The following NRG3 variants were observed in gnomAD, a reference collection of about 807,000 sequenced individuals.
NRG3 encodes pro-neuregulin-3, membrane-bound isoform.
In NRG3, 31 loss-of-function variants were observed where a neutral mutation model predicts 66.9. The ratio of observed to expected loss-of-function variants is 0.46; its 90% CI spans 0.35 to 0.63. NRG3 has a LOEUF of 0.63. Among genes scored for constraint, NRG3 ranks in the 20% least tolerant of loss-of-function variants. The probability of loss-of-function intolerance (pLI) is 0.00; values close to 1 mark genes in which losing one functional copy is unlikely to be tolerated. For synonymous variants in NRG3, 393 were observed against 359.4 expected, an observed-to-expected ratio of 1.09 and a Z score of -1.06; for missense variants, 910 against 878.9, an observed-to-expected ratio of 1.04 and a Z score of -0.45.
At chr10:82,244,185 C>G (rs573578677) in intron 1 of NRG3, among the ~76,000 whole-genome samples, 11 of 152,140 alleles carry the variant, frequency 7.2e-5, no homozygotes, top group Non-Finnish European at 1.6e-4. Flanking sequence ...ATGGCTTGGA[C>G]AGTGACAATA....
In NRG3 at chr10:82,921,984, G is replaced by A. The variant is rs149123274; in HGVS notation, c.1055-29485G>A. Among the ~76,000 whole-genome samples, 546 of 152,110 alleles carry A rather than the reference G, an allele frequency of 3.6e-3. 3 individuals carry two copies. The highest frequency in any genetic ancestry group is 0.013 in the African/African-American group (519 of 41,516). Reference sequence around the variant, plus strand: ...AATTTCATGGACATTAAAGTATTTTGTAAACTATATAGATTTCAGTATAAA... The same window carrying A: ...AATTTCATGGACATTAAAGTATTTTATAAACTATATAGATTTCAGTATAAA... On this transcript the variant is annotated intron_variant, in intron 4 of 8. Coordinates refer to ENST00000372141, the MANE Select transcript of NRG3 (RefSeq NM_001010848.4).
intron 1 of NRG3, among the ~76,000 whole-genome samples, chr10:81,901,494 G>T (rs984653005): frequency 6.6e-6 from 1 of 152,012 alleles, no homozygotes; most frequent in Non-Finnish European, 1.5e-5. Context: ...ATAGCGAGAT[G>T]CCGTCTCTAC....
chr10:82,005,613 A>C (rs2061348047), intron 1 of NRG3, among the ~76,000 whole-genome samples: 1 of 152,184 alleles, frequency 6.6e-6, no homozygotes, highest in African/African-American at 2.4e-5. Flanking sequence ...GAATGATACC[A>C]GTAAAGTTAC....
rs72825446 is a variant in NRG3, at chr10:82,109,012, G to A, written c.823+232849G>A. 6.8e-3 allele frequency among the ~76,000 whole-genome samples: 1,043 copies of A among 152,300 alleles called. 7 individuals are homozygous for A. Among genetic ancestry groups the A allele is most frequent in the Non-Finnish European group, 8.6e-3 (583 of 68,018 alleles). On this transcript the variant is annotated intron_variant, in intron 1 of 8. Coordinates refer to ENST00000372141, the MANE Select transcript of NRG3 (RefSeq NM_001010848.4). Reference sequence around the variant, plus strand: ...TTCACTAGAATGGAAGCTACCTGTGGACAGGGGCTGGGTTTTATTCACCAG... The same window carrying A: ...TTCACTAGAATGGAAGCTACCTGTGAACAGGGGCTGGGTTTTATTCACCAG...
intron 1 of NRG3, among the ~76,000 whole-genome samples, chr10:82,314,426 C>T (rs1269563230): frequency 1.3e-5 from 2 of 151,938 alleles, no homozygotes; most frequent in African/African-American, 4.8e-5. Flanking sequence ...TCATCCAACC[C>T]TCTCAGTTTT....
At chr10:82,350,928 G>A (rs543041376) in intron 1 of NRG3, among the ~76,000 whole-genome samples, 2 of 150,234 alleles carry the variant, frequency 1.3e-5, no homozygotes, top group African/African-American at 2.5e-5. Flanking sequence ...GTCTTGTGCT[G>A]TCACCCAGGC....
chr10:82,850,669 T>C (rs954631861), intron 3 of NRG3, among the ~76,000 whole-genome samples: 1 of 151,614 alleles, frequency 6.6e-6, no homozygotes, highest in Non-Finnish European at 1.5e-5. Flanking sequence ...TTTGTTTAGT[T>C]GCCATACAAA....
intron 1 of NRG3, among the ~76,000 whole-genome samples, chr10:81,991,067 A>G (rs1435430163): frequency 6.6e-6 from 1 of 152,148 alleles, no homozygotes; most frequent in East Asian, 1.9e-4. Flanking sequence ...AAAGGAAGGC[A>G]CATCAGGTAT....
At chr10:82,155,337 T>A (rs1010078245) in intron 1 of NRG3, among the ~76,000 whole-genome samples, 14 of 151,766 alleles carry the variant, frequency 9.2e-5, no homozygotes, top group Non-Finnish European at 2.1e-4. Flanking sequence ...CCTACCTTTG[T>A]TCATTTACCT....
intron 4 of NRG3, among the ~76,000 whole-genome samples, chr10:82,947,449 T>C (rs777019332): frequency 4.6e-5 from 7 of 152,084 alleles, no homozygotes; most frequent in Non-Finnish European, 1.0e-4. Context: ...GAACTTTCAA[T>C]AGTTGTTGGT....
At chr10:82,824,753 G>A (rs1401971085) in intron 3 of NRG3, among the ~76,000 whole-genome samples, 1 of 144,396 alleles carries the variant, frequency 6.9e-6, no homozygotes, top group Non-Finnish European at 1.5e-5. Flanking sequence ...GTCTCACTCT[G>A]TCACCCAGGC....
chr10:82,984,876 T>A (rs752556864), intron 8 of NRG3: 6 of 1,401,766 alleles, frequency 4.3e-6, no homozygotes, highest in African/African-American at 4.3e-5. Context: ...TGGGTTTGAG[T>A]CTCAGTCTGT....
intron 1 of NRG3, among the ~76,000 whole-genome samples, chr10:82,158,566 T>C (rs1204278289): frequency 6.6e-6 from 1 of 151,848 alleles, no homozygotes; most frequent in African/African-American, 2.4e-5. Flanking sequence ...ATTGGATGTA[T>C]ATTTCTCTCT....
chr10:82,204,178 G>A (rs2074997386), intron 1 of NRG3, among the ~76,000 whole-genome samples: 1 of 152,120 alleles, frequency 6.6e-6, no homozygotes, highest in Admixed American at 6.5e-5. Context: ...GAGCTTTATA[G>A]AATCTGAGGG....
rs1011891176 is a variant in NRG3 at position 82,184,430 on chromosome 10, G to A, written c.824-174309G>A. On this transcript the variant is annotated intron_variant, in intron 1 of 8. Transcript: ENST00000372141. ...ATTTAAAAGGGAAATTCAGGGAATG[G>A]TTTCTGGGGAAACACTGGCAATATC... 3.3e-5 allele frequency among the ~76,000 whole-genome samples: 5 copies of A among 152,202 alleles called. No individual in the cohort carries two copies. In the South Asian group the frequency reaches 6.2e-4, roughly 19 times the overall value.
chr10:82,166,731 A>G, intron 1 of NRG3: 1 of 659,034 alleles, frequency 1.5e-6, no homozygotes, highest in South Asian at 1.7e-5. Context: ...GTTTAGATCA[A>G]TATAATCATC....
intron 3 of NRG3, among the ~76,000 whole-genome samples, chr10:82,852,804 A>G (rs1473988288): frequency 1.3e-5 from 2 of 152,216 alleles, no homozygotes; most frequent in Admixed American, 1.3e-4. Flanking sequence ...TTTCCAGTCA[A>G]ATATCTTGAA....
At chr10:82,315,988 A>C (rs908854548) in intron 1 of NRG3, among the ~76,000 whole-genome samples, 1 of 151,986 alleles carries the variant, frequency 6.6e-6, no homozygotes, top group African/African-American at 2.4e-5. Flanking sequence ...TCGCAATAGG[A>C]AGGATGAGGG....
chr10:82,959,135 G>T lies in NRG3; in HGVS notation c.1284+60G>T, dbSNP rs536430496. On this transcript the variant is annotated intron_variant, in intron 6 of 8. Transcript: ENST00000372141. ...CTACCTCAGTGCTTCCAGCTCAGAGGTGTTGGGAGCCTGGGATCAGACTTG... is the reference window on the plus strand; with the variant it reads ...CTACCTCAGTGCTTCCAGCTCAGAGTTGTTGGGAGCCTGGGATCAGACTTG... 785 of 1,484,700 alleles carry T rather than the reference G, an allele frequency of 5.3e-4. No homozygotes were observed. In the Middle Eastern group the frequency reaches 7.2e-3, roughly 14 times the overall value. The allele number at this position is 1,484,700 out of a possible 1,614,324, so 92.0% of individuals were successfully genotyped here.
Sources: allele counts gnomAD v4.1 joint callset (sites outside exome capture counted in the v4.1 genomes callset), GRCh38; gene constraint gnomAD v4.1.1; transcripts MANE v1.5; gene names NCBI Gene and HGNC (gene_info 2026-07-23, HGNC 2026-07-21).